Variants in KLHL20 observed in about 807,000 individuals in gnomAD.
KLHL20 encodes kelch like family member 20.
In KLHL20, 29 loss-of-function variants were observed where a neutral mutation model predicts 69.5. The observed-to-expected ratio is 0.42, with a 90% CI of 0.31 to 0.57. The LOEUF (loss-of-function observed/expected upper bound fraction) is 0.57, where lower values mean the gene tolerates loss of function less well. KLHL20 is among the 20% of genes least tolerant of loss of function. The pLI is 0.18. For missense variants in KLHL20, 419 were observed against 776.0 expected (o/e 0.54, Z 5.47); for synonymous variants, 253 against 265.2 (o/e 0.95, Z 0.45).
chr1:173,780,995 G>A, intron 10 of KLHL20, among the ~76,000 whole-genome samples: 1 of 143,200 alleles, frequency 7.0e-6, no homozygotes, highest in African/African-American at 2.5e-5. Flanking sequence ...CTGTGAGTGA[G>A]AGAGAGAGAG....
intron 11 of KLHL20, among the ~76,000 whole-genome samples, chr1:173,782,592 C>G (rs968538009): frequency 4.7e-4 from 71 of 152,074 alleles, no homozygotes; most frequent in African/African-American, 1.7e-3. Context: ...GGCTCCAAAT[C>G]TGTCCATGCC....
At chr1:173,723,746 G>T (rs1671819746) in intron 2 of KLHL20, among the ~76,000 whole-genome samples, 1 of 152,144 alleles carries the variant, frequency 6.6e-6, no homozygotes, top group African/African-American at 2.4e-5. Context: ...CTTTTAAGTA[G>T]CATGGTACTT....
chr1:173,757,232 A>G (rs889692217), intron 7 of KLHL20, 73 bp downstream of exon 7: 7 of 1,371,390 alleles, frequency 5.1e-6, no homozygotes, highest in African/African-American at 2.9e-5. Flanking sequence ...TTAGGAAACA[A>G]ATTGATTTAA....
At chr1:173,733,213 G>C (rs1322351226) in intron 2 of KLHL20, among the ~76,000 whole-genome samples, 1 of 151,608 alleles carries the variant, frequency 6.6e-6, no homozygotes, top group Non-Finnish European at 1.5e-5. Flanking sequence ...GTAGAGACAG[G>C]GTTTTGCCAC....
intron 2 of KLHL20, among the ~76,000 whole-genome samples, chr1:173,732,099 A>G (rs1268056664): frequency 6.6e-6 from 1 of 151,882 alleles, no homozygotes; most frequent in Non-Finnish European, 1.5e-5. Flanking sequence ...TGGGAGGCTG[A>G]GGCAGGAGAA....
chr1:173,744,005 G>A (rs1379891852), intron 3 of KLHL20, among the ~76,000 whole-genome samples: 1 of 152,084 alleles, frequency 6.6e-6, no homozygotes, highest in African/African-American at 2.4e-5. Context: ...ATTGTTGGAA[G>A]TTTATCTTTA....
chr1:173,776,081 T>A (rs780081425), intron 10 of KLHL20, among the ~76,000 whole-genome samples: 2 of 152,344 alleles, frequency 1.3e-5, no homozygotes, highest in Non-Finnish European at 1.5e-5. Context: ...TTTCTCTGCA[T>A]CCTTATCAGC....
At position 173,780,813 on chromosome 1, in the gene KLHL20, T is replaced by C. The variant is rs921190972; in HGVS notation, c.1639-1311T>C. The stretch of plus-strand genomic sequence containing the variant: ...TGTGCGATCTTGGCTCACTGCAACC[T>C]CCACCTCCCGGGCTCAAGTGATTCT... On this transcript the variant is annotated intron_variant, in intron 10 of 11. Transcript: ENST00000209884. Among the ~76,000 whole-genome samples the C allele has an allele frequency of 2.6e-5, 4 of 152,004 alleles. No homozygotes were observed. In the East Asian group the frequency reaches 7.8e-4, roughly 30 times the overall value.
chr1:173,728,766 A>G (rs949092432), intron 2 of KLHL20, among the ~76,000 whole-genome samples: 1 of 152,214 alleles, frequency 6.6e-6, no homozygotes, highest in Non-Finnish European at 1.5e-5. Flanking sequence ...AATTTATAGC[A>G]CTAAATGCCC....
rs762434915 is a variant in KLHL20, at chr1:173,782,157, G to A, written c.1672G>A (p.Ala558Thr). ...GLAVVNGQLM[A>T]VGGFDGTTYL... ...GGCAGTGGTCAATGGACAGCTCATG[G>A]CAGTAGGAGGTTTTGATGGCACAAC... The change falls in exon 11 of 12, where the codon GCA (alanine) becomes ACA (threonine). Residue 558 changes from alanine to threonine, a missense_variant. Ala to Thr is a moderately conservative substitution (Grantham distance 58). Around this residue, in one of 6 missense-constraint regions of KLHL20, gnomAD observed 79 missense variants for 154.4 expected, o/e 0.51. Transcript: ENST00000209884. 6.2e-7 allele frequency: 1 copy of A among 1,614,074 alleles called. No individual in the cohort carries two copies. The highest frequency in any genetic ancestry group is 8.5e-7 in the Non-Finnish European group (1 of 1,179,976).
At chr1:173,719,739 C>T (rs1416989003) in intron 2 of KLHL20, among the ~76,000 whole-genome samples, 3 of 149,860 alleles carry the variant, frequency 2.0e-5, no homozygotes, top group Non-Finnish European at 4.4e-5. Flanking sequence ...TAGTCTTTAC[C>T]AACAATATGT....
chr1:173,766,279 A>G lies in KLHL20; in HGVS notation c.1285A>G (p.Ile429Val), dbSNP rs1647700436. The G allele has an allele frequency of 6.3e-7, 1 of 1,599,674 alleles. No homozygotes were observed. The highest frequency in any genetic ancestry group is 1.1e-5 in the South Asian group (1 of 88,994). ...GGQDGVSCLN[I>V]VERYDPKENK... Reference sequence around the variant, plus strand: ...CCAGGATGGTGTGTCTTGCCTCAACATTGTTGAGAGGTGATCTTTTTTTTA... The same window carrying G: ...CCAGGATGGTGTGTCTTGCCTCAACGTTGTTGAGAGGTGATCTTTTTTTTA... The change falls in exon 8 of 12, where the codon ATT (isoleucine) becomes GTT (valine). Residue 429 changes from isoleucine to valine, a missense_variant. By Grantham distance (29) the Ile-to-Val change is conservative (BLOSUM62 3). Transcript: ENST00000209884.
intron 1 of KLHL20, 114 bp from the exon 2 acceptor site, chr1:173,715,889 A>G: frequency 2.8e-6 from 2 of 711,160 alleles, no homozygotes; most frequent in South Asian, 4.0e-5. Flanking sequence ...CTGTGGTATA[A>G]TAGGATATGA....
chr1:173,773,934 A>G (rs370867450), intron 8 of KLHL20, among the ~76,000 whole-genome samples: 50 of 150,900 alleles, frequency 3.3e-4, no homozygotes, highest in African/African-American at 1.1e-3. Flanking sequence ...AATGGCGTGA[A>G]CCCAGGAGGC....
At chr1:173,774,568 A>G (rs1344017184) in intron 9 of KLHL20, 130 bp downstream of exon 9, 17 of 898,346 alleles carry the variant, frequency 1.9e-5, no homozygotes, top group Non-Finnish European at 2.8e-5. Context: ...TTTTCCCTCC[A>G]GCAGAGTGCA....
At chr1:173,748,499 T>G (rs1434919914) in intron 3 of KLHL20, among the ~76,000 whole-genome samples, 77 of 152,164 alleles carry the variant, frequency 5.1e-4, no homozygotes, top group Admixed American at 5.0e-3. Flanking sequence ...CACATTTAAT[T>G]TCTCATTGAA....
At chr1:173,755,781 A>C in intron 5 of KLHL20, 142 bp from the exon 6 acceptor site, 1 of 585,678 alleles carries the variant, frequency 1.7e-6, no homozygotes, top group Admixed American at 3.1e-5. Context: ...GTTTGTGCCA[A>C]TTTTAATATT....
At chr1:173,736,853 C>G (rs1672563064) in intron 3 of KLHL20, among the ~76,000 whole-genome samples, 1 of 152,116 alleles carries the variant, frequency 6.6e-6, no homozygotes, top group Non-Finnish European at 1.5e-5. Context: ...GCCTTGGCCT[C>G]CCAAAGTGCT....
intron 8 of KLHL20, among the ~76,000 whole-genome samples, chr1:173,768,985 A>G (rs1647908868): frequency 6.6e-6 from 1 of 152,236 alleles, no homozygotes; most frequent in South Asian, 2.1e-4. Flanking sequence ...TAGAAAGCAC[A>G]AGGGGAAAAT....
Sources: gnomAD v4.1 joint callset for allele counts (sites outside exome capture counted in the v4.1 genomes callset) on GRCh38, gnomAD v4.1.1 for gene constraint, gnomAD v4.1.1 regional missense constraint, MANE v1.5 for transcripts, NCBI Gene and HGNC (gene_info 2026-07-23, HGNC 2026-07-21) for gene names.